The following PIK3R6 variants were observed in gnomAD, a reference collection of about 807,000 sequenced individuals.
PIK3R6 encodes phosphoinositide 3-kinase regulatory subunit 6.
In PIK3R6, 91 loss-of-function variants were observed where a neutral mutation model predicts 84.9. That is an observed-to-expected ratio of 1.07 (90% CI 0.90 to 1.28). The LOEUF (loss-of-function observed/expected upper bound fraction) is 1.28. Ranked by LOEUF, PIK3R6 falls within the 50% of genes most tolerant of loss-of-function variation. PIK3R6 has a pLI of 0.00. For synonymous variants in PIK3R6, 416 were observed against 411.4 expected (o/e 1.01, Z -0.13); for missense variants, 996 against 985.1 (o/e 1.01, Z -0.15).
chr17:8,832,876 G>A lies in PIK3R6; in HGVS notation c.802+13C>T, dbSNP rs563213664. On this transcript the variant is annotated intron_variant, in intron 9 of 19. Coordinates refer to ENST00000619866, the MANE Select transcript of PIK3R6 (RefSeq NM_001010855.4). Reference sequence around the variant, plus strand: ...GGACTCTTGCCAAGGCCCCCCATCTGCCAGTCGCTTACCACCGCAGCGCCC... The same window carrying A: ...GGACTCTTGCCAAGGCCCCCCATCTACCAGTCGCTTACCACCGCAGCGCCC... 3 of 1,612,310 alleles carry A rather than the reference G, an allele frequency of 1.9e-6. No homozygotes were observed. The highest frequency in any genetic ancestry group is 4.5e-5 in the East Asian group (2 of 44,850).
rs774707606 is a variant in PIK3R6, at chr17:8,835,300, G to A, written c.618C>T (p.His206=). The change falls in exon 8 of 20, where the codon CAC becomes CAT. Residue 206 remains histidine, a synonymous_variant. Transcript: ENST00000619866. ...GCAGCTTCCTGTGCAGAGCGCCTGC[G>A]TGACAGGCCTCCCCCAGAGCCGCCT... is the stretch of plus-strand genomic sequence containing the variant. ...ALQAALGEAC[H]AGALHRKLQA... is the part of the protein sequence containing the mutation. The A allele has an allele frequency of 3.0e-5, 47 of 1,585,326 alleles. No individual in the cohort carries two copies. The highest frequency in any genetic ancestry group is 1.7e-4 in the Admixed American group (10 of 57,592).
intron 1 of PIK3R6, among the ~76,000 whole-genome samples, chr17:8,866,238 A>G (rs929042364): frequency 1.3e-5 from 2 of 152,092 alleles, no homozygotes; most frequent in African/African-American, 4.8e-5. Flanking sequence ...ACATAGAGCT[A>G]AATAAATAAA....
chr17:8,829,934 TC>T, intron 9 of PIK3R6, 142 bp from the exon 10 acceptor site: 1 of 629,224 alleles, frequency 1.6e-6, no homozygotes, highest in Non-Finnish European at 2.7e-6. Flanking sequence ...CCTTTCCATC[TC>T]TGCCACCACC....
chr17:8,819,671 CATAT>C (rs148918327), intron 17 of PIK3R6, among the ~76,000 whole-genome samples: 1 of 133,646 alleles, frequency 7.5e-6, no homozygotes, highest in African/African-American at 2.9e-5. Context: ...TTTTTTTGTG[CATAT>C]ATATATATAT....
intron 13 of PIK3R6, among the ~76,000 whole-genome samples, chr17:8,826,328 G>GT (rs1567581533): frequency 6.6e-6 from 1 of 152,158 alleles, no homozygotes; most frequent in East Asian, 1.9e-4. Flanking sequence ...ACATGCACAC[G>GT]TATGTTTATT....
Position 8,823,419 on chromosome 17 carries a change from G to T in PIK3R6, c.1594C>A (p.Gln532Lys), listed in dbSNP as rs1349831260. The T allele has an allele frequency of 3.2e-6, 5 of 1,541,356 alleles. No homozygotes were observed. Among genetic ancestry groups the T allele is most frequent in the Non-Finnish European group, 4.4e-6 (5 of 1,143,314 alleles). Residue 532 changes from glutamine (Q) to lysine (K), a missense_variant, in exon 14 of 20, where the codon CAA (glutamine) becomes AAA (lysine). Gln to Lys is a moderately conservative substitution (Grantham distance 53). Transcript: ENST00000619866. ...GTGTAGATCTGGAAATAGATGGGTTGGGTGCCCATGCGGATGTAGTAGGTG... is the reference window on the plus strand; with the variant it reads ...GTGTAGATCTGGAAATAGATGGGTTTGGTGCCCATGCGGATGTAGTAGGTG... Reference protein sequence around the residue: ...VITYYIRMGTQPIYFQIYTVK... With the variant: ...VITYYIRMGTKPIYFQIYTVK...
chr17:8,865,210 G>A (rs545078714), intron 1 of PIK3R6, among the ~76,000 whole-genome samples: 49 of 152,276 alleles, frequency 3.2e-4, no homozygotes, highest in African/African-American at 1.2e-3. Context: ...TGAACCTGAA[G>A]ATTCTGAACA....
chr17:8,803,462 C>T lies in PIK3R6; in HGVS notation c.2109-33G>A. ...TGGAGAGAGACCAGCTCAGGTGACC[C>T]ATCTGAGGGATCAGATTGCCTAGGG... On this transcript the variant is annotated intron_variant, in intron 19 of 19. Coordinates refer to ENST00000619866, the MANE Select transcript of PIK3R6 (RefSeq NM_001010855.4). The surrounding 1 kb of genome is among the most constrained non-coding windows in gnomAD (Gnocchi z 5.0). 1.3e-6 allele frequency: 2 copies of T among 1,565,508 alleles called. No homozygotes were observed. The highest frequency in any genetic ancestry group is 2.7e-5 in the African/African-American group (2 of 73,414).
intron 13 of PIK3R6, among the ~76,000 whole-genome samples, 195 bp from the exon 14 acceptor site, chr17:8,823,692 C>T (rs1333711745): frequency 6.6e-6 from 1 of 152,290 alleles, no homozygotes; most frequent in Non-Finnish European, 1.5e-5. Flanking sequence ...AGAGCCCTGC[C>T]TCCCTAGGGA....
Position 8,839,787 on chromosome 17 carries a change from T to G in PIK3R6, c.14-90A>C. ...TCCTTCCGAGAGTGTCTTTAGCCAT[T>G]TCTCTGAGCCTCAGGAGGTGCCCGA... On this transcript the variant is annotated intron_variant, in intron 2 of 19. Transcript: ENST00000619866. This position sits in a 1 kb window ranked among gnomAD's most constrained non-coding sequence, Gnocchi z 4.2. 6 of 1,168,384 alleles carry G rather than the reference T, an allele frequency of 5.1e-6. No homozygotes were observed. Among genetic ancestry groups the G allele is most frequent in the Non-Finnish European group, 6.0e-6 (5 of 831,100 alleles). The allele number at this position is 1,168,384 out of a possible 1,614,324, so 72.4% of individuals were successfully genotyped here. A position where few individuals can be genotyped will look rare whatever the true frequency, so the allele number is the denominator to read the frequency against.
intron 1 of PIK3R6, among the ~76,000 whole-genome samples, chr17:8,856,025 G>A (rs923559863): frequency 7.9e-5 from 12 of 152,158 alleles, no homozygotes; most frequent in African/African-American, 2.7e-4. Context: ...AACGACACGC[G>A]TGAATCTCAG....
intron 13 of PIK3R6, among the ~76,000 whole-genome samples, chr17:8,825,611 T>C (rs573128003): frequency 1.3e-5 from 2 of 152,178 alleles, no homozygotes; most frequent in South Asian, 4.1e-4. Flanking sequence ...GGCAAGATGG[T>C]TTATGCAAAA....
chr17:8,831,910 T>A (rs2088254336), intron 9 of PIK3R6, among the ~76,000 whole-genome samples: 1 of 152,212 alleles, frequency 6.6e-6, no homozygotes, highest in South Asian at 2.1e-4. Context: ...CACATGGGGC[T>A]TGTGTCAGGG....
At chr17:8,855,262 T>C (rs1341064824) in intron 1 of PIK3R6, among the ~76,000 whole-genome samples, 1 of 148,630 alleles carries the variant, frequency 6.7e-6, no homozygotes, top group African/African-American at 2.5e-5. Flanking sequence ...TAAAATAAAA[T>C]GAAGAAGCAA....
rs778774572 is a variant in PIK3R6 at position 8,803,471 on chromosome 17, G to C, written c.2109-42C>G. 2 of 1,549,468 alleles carry C rather than the reference G, an allele frequency of 1.3e-6. No homozygotes were observed. The highest frequency in any genetic ancestry group is 1.7e-6 in the Non-Finnish European group (2 of 1,145,842). ...ACCAGCTCAGGTGACCCATCTGAGG[G>C]ATCAGATTGCCTAGGGCATTTGAAA... On this transcript the variant is annotated intron_variant, in intron 19 of 19. Transcript: ENST00000619866. The surrounding 1 kb of genome is among the most constrained non-coding windows in gnomAD (Gnocchi z 5.0).
intron 12 of PIK3R6, 84 bp downstream of exon 12, chr17:8,828,028 T>G: frequency 2.2e-6 from 3 of 1,370,480 alleles, no homozygotes; most frequent in Non-Finnish European, 3.1e-6. Flanking sequence ...GAGCCGGGGA[T>G]GTGGGGGATG....
At chr17:8,825,023 G>A (rs1229594878) in intron 13 of PIK3R6, among the ~76,000 whole-genome samples, 1 of 152,134 alleles carries the variant, frequency 6.6e-6, no homozygotes, top group Non-Finnish European at 1.5e-5. Flanking sequence ...ATGTGTATAA[G>A]TCAATAGCTT....
rs2151213431 is a variant in PIK3R6 at position 8,823,090 on chromosome 17, G to C, written c.1627-4C>G. The C allele has an allele frequency of 6.3e-7, 1 of 1,585,876 alleles. No homozygotes were observed. The highest frequency in any genetic ancestry group is 2.2e-5 in the East Asian group (1 of 44,730). ...GGCTCAGGTCACTGAAAAAGATCTG[G>C]AGAGAGGAAGGGAGGGTGGCATTTC... On this transcript the variant is annotated splice_polypyrimidine_tract_variant and splice_region_variant and intron_variant, in intron 14 of 19. Coordinates refer to ENST00000619866, the MANE Select transcript of PIK3R6 (RefSeq NM_001010855.4).
rs529327804 is a variant in PIK3R6, at chr17:8,806,535, C to A, written c.1996-2382G>T. On this transcript the variant is annotated intron_variant, in intron 18 of 19. Transcript: ENST00000619866. Reference sequence around the variant, plus strand: ...GCTTGGCTTTGGCCCATAAGGAGCACAAGAGTCTTAGATTTTAGTCTATAA... The same window carrying A: ...GCTTGGCTTTGGCCCATAAGGAGCAAAAGAGTCTTAGATTTTAGTCTATAA... 2.0e-5 allele frequency among the ~76,000 whole-genome samples: 3 copies of A among 152,124 alleles called. No homozygotes were observed. The East Asian group carries it at 5.8e-4, about 29-fold the overall frequency.
Sources: gnomAD v4.1 joint callset for allele counts (sites outside exome capture counted in the v4.1 genomes callset) on GRCh38, gnomAD v4.1.1 for gene constraint, Gnocchi (gnomAD v3.1) non-coding constraint, MANE v1.5 for transcripts, NCBI Gene and HGNC (gene_info 2026-07-23, HGNC 2026-07-21) for gene names.